MGAT4C: variants seen among roughly 807,000 people sequenced by gnomAD.
MGAT4C encodes the protein alpha-1,3-mannosyl-glycoprotein 4-beta-N-acetylglucosaminyltransferase C.
In MGAT4C, 19 loss-of-function variants were observed where a neutral mutation model predicts 40.1. The observed-to-expected ratio is 0.47, with a 90% CI of 0.33 to 0.70. The LOEUF is 0.70. Ranked by LOEUF, MGAT4C falls within the 30% of genes least tolerant of loss-of-function variation. The pLI is 0.02. For synonymous variants in MGAT4C, 181 were observed against 187.1 expected, an observed-to-expected ratio of 0.97 and a Z score of 0.27; for missense variants, 491 against 563.2, an observed-to-expected ratio of 0.87 and a Z score of 1.30.
chr12:86,288,976 A>C (rs1953429839), intron 4 of MGAT4C, among the ~76,000 whole-genome samples: 1 of 152,030 alleles, frequency 6.6e-6, no homozygotes, highest in Non-Finnish European at 1.5e-5. Context: ...TTTGTCATGA[A>C]ATCTTTGTCA....
chr12:86,215,125 A>G (rs1950619405), intron 1 of MGAT4C, among the ~76,000 whole-genome samples: 1 of 61,760 alleles, frequency 1.6e-5, no homozygotes, highest in South Asian at 6.5e-4. Context: ...AGACCCTCTT[A>G]CAATGCTTCT....
Position 85,983,571 on chromosome 12 carries a change from T to C in MGAT4C, c.247A>G (p.Ile83Val). 6.3e-7 allele frequency: 1 copy of C among 1,599,692 alleles called. No homozygotes were observed. Among genetic ancestry groups the C allele is most frequent in the Non-Finnish European group, 8.5e-7 (1 of 1,173,630 alleles). The change falls in exon 4 of 5, where the codon ATA becomes GTA. Residue 83 changes from isoleucine to valine, a missense_variant. Physicochemically the swap from Ile to Val is conservative, Grantham distance 29. Coordinates refer to ENST00000611864, the MANE Select transcript of MGAT4C (RefSeq NM_001351288.2). ...FKDLSNFSGAINVTYRYLAAT... is the reference protein window; with the variant it reads ...FKDLSNFSGAVNVTYRYLAAT... ...GCTAGGTAGCGATAGGTGACATTTA[T>C]GGCTCCTGAGAAATTAGATAAATCC...
intron 2 of MGAT4C, among the ~76,000 whole-genome samples, chr12:86,558,346 A>C (rs1247235038): frequency 6.6e-6 from 1 of 152,274 alleles, no homozygotes; most frequent in South Asian, 2.1e-4. Flanking sequence ...ATCTACATTT[A>C]TGAAGCTCAA....
chr12:86,693,365 A>G (rs935122914), intron 2 of MGAT4C, among the ~76,000 whole-genome samples: 3 of 152,210 alleles, frequency 2.0e-5, no homozygotes, highest in Non-Finnish European at 4.4e-5. Flanking sequence ...TACAAAAACT[A>G]GTGTTCCACA....
intron 1 of MGAT4C, among the ~76,000 whole-genome samples, chr12:86,216,554 A>T (rs371457931): frequency 1.3e-5 from 2 of 152,306 alleles, no homozygotes; most frequent in South Asian, 2.1e-4. Context: ...AAATGATAAG[A>T]GCTATTTAGG....
intron 2 of MGAT4C, among the ~76,000 whole-genome samples, chr12:86,603,548 GATAA>G (rs1961897201): frequency 2.1e-3 from 8 of 3,788 alleles, no homozygotes; most frequent in South Asian, 0.036. Context: ...ATAGACTATA[GATAA>G]TATATAGTCT....
intron 2 of MGAT4C, among the ~76,000 whole-genome samples, chr12:86,567,562 G>A (rs1004347573): frequency 1.3e-5 from 2 of 152,104 alleles, no homozygotes; most frequent in African/African-American, 4.8e-5. Context: ...TGTGATTAAG[G>A]TCAATGGGAA....
chr12:86,097,954 A>C (rs2135588401), intron 1 of MGAT4C, among the ~76,000 whole-genome samples: 1 of 151,782 alleles, frequency 6.6e-6, no homozygotes, highest in African/African-American at 2.4e-5. Context: ...TTAGTAAAAT[A>C]GAGGGTAGCA....
At chr12:86,714,072 T>C (rs565549496) in intron 2 of MGAT4C, among the ~76,000 whole-genome samples, 1 of 152,192 alleles carries the variant, frequency 6.6e-6, no homozygotes, top group East Asian at 1.9e-4. Context: ...TTAACAAAAA[T>C]TTAACTTGAA....
rs796533913 is a variant in MGAT4C at position 86,628,532 on chromosome 12, A to G, written c.-229+98677T>C. Reference sequence around the variant, plus strand: ...TTACACACAAAGGGAAGCCCATCAGACTAATAGCAGATCTGTCGGCAGAAA... The same window carrying G: ...TTACACACAAAGGGAAGCCCATCAGGCTAATAGCAGATCTGTCGGCAGAAA... On this transcript the variant is annotated intron_variant, in intron 2 of 7. Transcript: ENST00000548651. 1.2e-4 allele frequency among the ~76,000 whole-genome samples: 18 copies of G among 152,368 alleles called. 1 individual carries two copies. The highest frequency in any genetic ancestry group is 4.3e-4 in the African/African-American group (18 of 41,596).
At position 85,964,856 on chromosome 12, in the gene MGAT4C, C is replaced by G. The variant is rs916503674; in HGVS notation, c.*14433G>C. The G allele has an allele frequency of 3.9e-5, 6 of 151,922 alleles. No homozygotes were observed. The highest frequency in any genetic ancestry group is 8.8e-5 in the Non-Finnish European group (6 of 68,014). 9.4% of individuals were successfully genotyped at this position (151,922 alleles called of 1,614,324 possible). ...CTCCATCCCAAAATATATGTCCCAT[C>G]TGTGGGCTAATGTCTGAAAGTCCTA... is the stretch of plus-strand genomic sequence containing the variant. On this transcript the variant is annotated 3_prime_UTR_variant, in exon 5 of 5. Transcript: ENST00000611864.
At chr12:86,503,787 C>CATATATATATATATAGAGTTCTGCTCAT (rs1565809891) in intron 2 of MGAT4C, among the ~76,000 whole-genome samples, 1 of 15,736 alleles carries the variant, frequency 6.4e-5, no homozygotes, top group Non-Finnish European at 1.2e-4. Flanking sequence ...GAGTTCTGCT[C>CATATATATATATATAGAGTTCTGCTCAT]ATATATATAT....
intron 3 of MGAT4C, among the ~76,000 whole-genome samples, chr12:86,375,162 C>A (rs531957740): frequency 4.6e-5 from 7 of 152,068 alleles, no homozygotes; most frequent in East Asian, 1.9e-4. Flanking sequence ...GAGAAAAAAA[C>A]CCAGTATTTC....
At chr12:86,667,743 GATTAT>G (rs1215535713) in intron 2 of MGAT4C, among the ~76,000 whole-genome samples, 1 of 152,044 alleles carries the variant, frequency 6.6e-6, no homozygotes, top group Non-Finnish European at 1.5e-5. Context: ...ATTTTCTTAT[GATTAT>G]ATTTCCAACA....
intron 4 of MGAT4C, among the ~76,000 whole-genome samples, chr12:86,323,319 A>G (rs190328380): frequency 3.3e-5 from 5 of 151,894 alleles, no homozygotes; most frequent in Non-Finnish European, 7.4e-5. Context: ...AATTCAGAGT[A>G]AATTATTATA....
chr12:86,006,880 G>C (rs7957022), intron 2 of MGAT4C, among the ~76,000 whole-genome samples: 25,934 of 151,950 alleles, frequency 0.17, 2,984 homozygotes, highest in East Asian at 0.63. Flanking sequence ...TTTGTATTCA[G>C]AGTTTAGCCC....
intron 2 of MGAT4C, among the ~76,000 whole-genome samples, chr12:86,705,777 A>G (rs1233584613): frequency 6.6e-6 from 1 of 152,180 alleles, no homozygotes; most frequent in Non-Finnish European, 1.5e-5. Context: ...AGTGTAACAA[A>G]TAATTAATGG....
chr12:86,776,817 A>T (rs2136177108), intron 1 of MGAT4C, among the ~76,000 whole-genome samples: 1 of 152,290 alleles, frequency 6.6e-6, no homozygotes, highest in South Asian at 2.1e-4. Flanking sequence ...CATTCAAATC[A>T]AATGAGACAT....
chr12:86,082,751 G>T (rs1871080207), intron 1 of MGAT4C, among the ~76,000 whole-genome samples: 1 of 151,946 alleles, frequency 6.6e-6, no homozygotes, highest in Non-Finnish European at 1.5e-5. Context: ...TTAGTGTTAT[G>T]GGAAAATAAT....
Sources: allele counts gnomAD v4.1 joint callset (sites outside exome capture counted in the v4.1 genomes callset), GRCh38; gene constraint gnomAD v4.1.1; transcripts MANE v1.5; gene names NCBI Gene and HGNC (gene_info 2026-07-23, HGNC 2026-07-21).